The following TTC19 variants were observed in gnomAD, a reference collection of about 807,000 sequenced individuals.
The protein encoded by TTC19 is tetratricopeptide repeat domain 19, also known as tetratricopeptide repeat protein 19, mitochondrial.
TTC19 carries 38 observed loss-of-function variants against 49.5 expected under a neutral mutation model. That is an observed-to-expected ratio of 0.77 (90% CI 0.59 to 1.01). The LOEUF (loss-of-function observed/expected upper bound fraction) is 1.01, where lower values mean the gene tolerates loss of function less well. Among genes scored for constraint, TTC19 ranks in the 50% least tolerant of loss-of-function variants. The pLI, the probability that TTC19 is intolerant of heterozygous loss-of-function variation, is 0.00. For synonymous variants in TTC19, 204 were observed against 185.2 expected (o/e 1.10, Z -0.83); for missense variants, 475 against 477.7 (o/e 0.99, Z 0.05).
downstream of TTC19, chr17:16,030,602 C>CTTTCCAAG (rs147988351): frequency 0.036 from 6,669 of 183,068 alleles, 137 homozygotes; most frequent in East Asian, 0.052. Flanking sequence ...AAAATACCAA[C>CTTTCCAAG]TTTCCAAGTA....
intron 2 of TTC19, among the ~76,000 whole-genome samples, chr17:16,034,445 G>T (rs1015379150): frequency 4.0e-5 from 6 of 151,832 alleles, no homozygotes; most frequent in Non-Finnish European, 8.8e-5. Context: ...AAATTAAAAT[G>T]AAAATGAAAA....
chr17:16,044,460 A>T lies in TTC19; in HGVS notation c.248-43A>T, dbSNP rs1267489808. The T allele has an allele frequency of 1.1e-5, 5 of 472,594 alleles. No individual in the cohort carries two copies. In the East Asian group the frequency reaches 3.4e-4, roughly 33 times the overall value. 29.3% of individuals were successfully genotyped at this position (472,594 alleles called of 1,614,324 possible). ...CTTTTGACAGGATCAGGAGACTAGT[A>T]GATGGTAGATCACAGAAATAAAGCA... On this transcript the variant is annotated intron_variant, in intron 2 of 2. Coordinates refer to the TTC19 transcript ENST00000470649.
chr17:15,999,934 T>A lies in TTC19; in HGVS notation c.86T>A (p.Leu29His). 7.5e-7 allele frequency: 1 copy of A among 1,334,136 alleles called. No individual in the cohort carries two copies. 82.6% of individuals were successfully genotyped at this position (1,334,136 alleles called of 1,614,324 possible). A position where few individuals can be genotyped will look rare whatever the true frequency, so the allele number is the denominator to read the frequency against. Residue 29 changes from leucine (L) to histidine (H), a missense_variant, in exon 1 of 10, where the codon CTC (leucine) becomes CAC (histidine). Transcript: ENST00000261647. ...TGCCGGGGCTGCTCCGCGCGCCTGC[T>A]CCCGGGGCTGGCAGGAGGTCCGGGG... ...RRCRGCSARLLPGLAGGPGPE... is the reference protein window; with the variant it reads ...RRCRGCSARLHPGLAGGPGPE...
At chr17:16,041,798 G>A (rs1462151741) in intron 2 of TTC19, among the ~76,000 whole-genome samples, 2 of 151,776 alleles carry the variant, frequency 1.3e-5, no homozygotes, top group African/African-American at 2.4e-5. Flanking sequence ...GTGCAGCGGT[G>A]CGATCTTGGC....
chr17:16,006,688 GTGTC>G, intron 7 of TTC19, 120 bp downstream of exon 7: 1 of 706,168 alleles, frequency 1.4e-6, no homozygotes, highest in Non-Finnish European at 2.5e-6. Context: ...TGCAAAATAA[GTGTC>G]TGTCTTTAAG....
At chr17:16,002,255 T>G (rs1195779608) in intron 3 of TTC19, among the ~76,000 whole-genome samples, 1 of 152,228 alleles carries the variant, frequency 6.6e-6, no homozygotes, top group Admixed American at 6.5e-5. Flanking sequence ...CTTGGCTCAC[T>G]GCAGCCTCCG....
downstream of TTC19, among the ~76,000 whole-genome samples, chr17:16,033,396 T>A (rs1972875321): frequency 6.9e-6 from 1 of 145,166 alleles, no homozygotes; most frequent in African/African-American, 2.6e-5. Flanking sequence ...AAATAATAAA[T>A]CTCATGTATG....
intron 2 of TTC19, among the ~76,000 whole-genome samples, chr17:16,041,524 C>A (rs943963714): frequency 2.7e-5 from 4 of 149,574 alleles, no homozygotes; most frequent in African/African-American, 9.9e-5. Context: ...AGCAGTTCTC[C>A]TGCCTCAGCC....
intron 2 of TTC19, chr17:16,040,674 A>G: frequency 1.6e-6 from 1 of 636,810 alleles, no homozygotes; most frequent in East Asian, 3.1e-5. Flanking sequence ...ACAGGGTCTC[A>G]CTCTGTTGCC....
At chr17:16,003,954 A>G in intron 5 of TTC19, 67 bp downstream of exon 5, 1 of 1,531,434 alleles carries the variant, frequency 6.5e-7, no homozygotes. Flanking sequence ...TCTCCTGAAA[A>G]CTCCTCCTAG....
At chr17:16,022,448 T>C (rs892573980) in intron 7 of TTC19, among the ~76,000 whole-genome samples, 3 of 152,198 alleles carry the variant, frequency 2.0e-5, no homozygotes, top group Non-Finnish European at 4.4e-5. Flanking sequence ...TAACAAGAGA[T>C]TTAGTTTAGC....
intron 7 of TTC19, among the ~76,000 whole-genome samples, chr17:16,011,389 G>A (rs1597457367): frequency 6.6e-6 from 1 of 152,022 alleles, no homozygotes; most frequent in Non-Finnish European, 1.5e-5. Context: ...CATGTTGGCC[G>A]GCCTGGTCTC....
intron 6 of TTC19, 99 bp downstream of exon 6, chr17:16,004,361 AAAT>A: frequency 7.0e-6 from 8 of 1,145,804 alleles, no homozygotes; most frequent in South Asian, 2.5e-5. Flanking sequence ...GGTCTCCCAG[AAAT>A]TGGGTGTCAC....
intron 2 of TTC19, 112 bp downstream of exon 2, chr17:16,000,357 C>T (rs1457930638): frequency 1.3e-6 from 2 of 1,527,850 alleles, no homozygotes; most frequent in Non-Finnish European, 8.8e-7. Flanking sequence ...GATGGAGGCT[C>T]CGCGGGTAAA....
chr17:16,001,238 T>C (rs1460587245), intron 2 of TTC19, among the ~76,000 whole-genome samples: 1 of 152,188 alleles, frequency 6.6e-6, no homozygotes, highest in African/African-American at 2.4e-5. Flanking sequence ...TACAAACTCC[T>C]TGCCTTGGCT....
Position 16,029,169 on chromosome 17 carries a change from A to G in TTC19, c.*1647A>G. The stretch of plus-strand genomic sequence containing the variant: ...GGTTACTGAAAGGTTTTTCATTCCA[A>G]GTTTTATTTATTTATTAATTTTAAA... On this transcript the variant is annotated 3_prime_UTR_variant, in exon 10 of 10. Coordinates refer to ENST00000261647, the MANE Select transcript of TTC19 (RefSeq NM_017775.4). The G allele has an allele frequency of 2.2e-6, 1 of 453,052 alleles. No homozygotes were observed. Among genetic ancestry groups the G allele is most frequent in the Non-Finnish European group, 4.4e-6 (1 of 226,562 alleles). The allele number at this position is 453,052 out of a possible 1,614,324, so 28.1% of individuals were successfully genotyped here. A position where few individuals can be genotyped will look rare whatever the true frequency, so the allele number is the denominator to read the frequency against.
intron 7 of TTC19, among the ~76,000 whole-genome samples, chr17:16,019,797 T>C (rs1971318433): frequency 6.6e-6 from 1 of 152,128 alleles, no homozygotes; most frequent in African/African-American, 2.4e-5. Context: ...ACCTGGAATA[T>C]TACATAAAAG....
chr17:16,017,996 ATTT>A (rs1162032124), intron 7 of TTC19, among the ~76,000 whole-genome samples: 2 of 152,072 alleles, frequency 1.3e-5, no homozygotes, highest in Non-Finnish European at 2.9e-5. Flanking sequence ...AGGAAAAAAA[ATTT>A]TTTTCAGTTT....
intron 2 of TTC19, chr17:16,040,275 C>A (rs1210501701): frequency 7.1e-6 from 5 of 703,020 alleles, no homozygotes; most frequent in South Asian, 6.0e-5. Flanking sequence ...GATCTCAGTT[C>A]CTTTCTGTGC....
Sources: allele counts gnomAD v4.1 joint callset (sites outside exome capture counted in the v4.1 genomes callset), GRCh38; gene constraint gnomAD v4.1.1; transcripts MANE v1.5; gene names NCBI Gene and HGNC (gene_info 2026-07-23, HGNC 2026-07-21).